The following WDR72 variants were observed in gnomAD, a reference collection of about 807,000 sequenced individuals.
WDR72 encodes WD repeat-containing protein 72.
A neutral mutation model predicts 124.2 loss-of-function variants in WDR72; 120 were observed. The ratio of observed to expected loss-of-function variants is 0.97; its 90% CI spans 0.83 to 1.12. WDR72 has a LOEUF of 1.12. Ranked by LOEUF, WDR72 falls within the 50% of genes most tolerant of loss-of-function variation. The pLI is 0.00. For synonymous variants in WDR72, 452 were observed against 441.7 expected (o/e 1.02, Z -0.29); for missense variants, 1,387 against 1,278.8 (o/e 1.08, Z -1.29).
chr15:53,717,241 C>T (rs893739735), intron 3 of WDR72, among the ~76,000 whole-genome samples: 5 of 152,062 alleles, frequency 3.3e-5, no homozygotes, highest in African/African-American at 1.2e-4. Flanking sequence ...ACTCTTACTT[C>T]GTTTATGTAT....
chr15:53,524,644 T>C (rs528380120), intron 18 of WDR72, among the ~76,000 whole-genome samples: 1 of 152,142 alleles, frequency 6.6e-6, no homozygotes, highest in South Asian at 2.1e-4. Context: ...GGTTTAAATA[T>C]TCCTTCTAGA....
chr15:53,523,291 G>A lies in WDR72; in HGVS notation c.3180C>T (p.Asn1060=), dbSNP rs754046722. 2.5e-6 allele frequency: 4 copies of A among 1,612,928 alleles called. No homozygotes were observed. In the Admixed American group the frequency reaches 6.7e-5, roughly 27 times the overall value. Reference sequence around the variant, plus strand: ...CGTCTTGGAAGTTTGCCGAGTTTGAGTTGCTGTCATGCTTGACCGGGCTGA... The same window carrying A: ...CGTCTTGGAAGTTTGCCGAGTTTGAATTGCTGTCATGCTTGACCGGGCTGA... ...TPVSPVKHDS[N]SNSANFQDVE... The change falls in exon 19 of 20, where the codon AAC becomes AAT. Residue 1060 remains asparagine, a synonymous_variant. Transcript: ENST00000360509.
At chr15:53,578,088 G>T (rs1008067047) in intron 18 of WDR72, among the ~76,000 whole-genome samples, 2 of 152,090 alleles carry the variant, frequency 1.3e-5, no homozygotes, top group African/African-American at 4.8e-5. Context: ...TGCAATTCAA[G>T]AATTCCCTGC....
rs2018250891 is a variant in WDR72, at chr15:53,733,104, G to C, written c.46C>G (p.Pro16Ala). ...ATGATGGCAGTGATGCTGTGGGGAG[G>C]GGCCTTCTGTCCCCAGAGTGCCACT... is the stretch of plus-strand genomic sequence containing the variant. ...QAVALWGQKAPPHSITAIMIT... is the reference protein window; with the variant it reads ...QAVALWGQKAAPHSITAIMIT... The change falls in exon 2 of 20, where the codon CCT becomes GCT. Residue 16 changes from proline to alanine, a missense_variant. Transcript: ENST00000360509. The C allele has an allele frequency of 6.2e-7, 1 of 1,614,020 alleles. No individual in the cohort carries two copies.
chr15:53,688,479 T>C (rs2016723138), intron 13 of WDR72, among the ~76,000 whole-genome samples: 2 of 151,604 alleles, frequency 1.3e-5, no homozygotes, highest in Non-Finnish European at 2.9e-5. Context: ...TCAAAGAGAA[T>C]AAAATACCTA....
chr15:53,545,861 A>T (rs1369518086), intron 18 of WDR72, among the ~76,000 whole-genome samples: 1 of 127,342 alleles, frequency 7.9e-6, no homozygotes. Context: ...AAGGACATGA[A>T]CAGACACTTC....
chr15:53,696,147 C>A (rs139875234), intron 13 of WDR72, among the ~76,000 whole-genome samples: 1 of 152,232 alleles, frequency 6.6e-6, no homozygotes, highest in African/African-American at 2.4e-5. Context: ...ACCTTTATGT[C>A]AATTTATTCC....
chr15:53,675,943 T>C (rs2016158157), intron 13 of WDR72, among the ~76,000 whole-genome samples: 1 of 152,180 alleles, frequency 6.6e-6, no homozygotes, highest in Non-Finnish European at 1.5e-5. Flanking sequence ...AGTTTTCCCT[T>C]GGGACATGAT....
At chr15:53,627,719 T>C (rs1415018716) in intron 14 of WDR72, among the ~76,000 whole-genome samples, 2 of 150,364 alleles carry the variant, frequency 1.3e-5, no homozygotes, top group African/African-American at 2.5e-5. Context: ...GGATGACATA[T>C]TGTGAACCAT....
chr15:53,723,941 C>T (rs974190827), intron 2 of WDR72, among the ~76,000 whole-genome samples: 2 of 151,706 alleles, frequency 1.3e-5, no homozygotes, highest in African/African-American at 2.4e-5. Flanking sequence ...CATGAAGGGC[C>T]GACTGTATAC....
chr15:53,668,137 C>T (rs989533460), intron 13 of WDR72, among the ~76,000 whole-genome samples: 1 of 152,150 alleles, frequency 6.6e-6, no homozygotes. Context: ...AACACCTAAG[C>T]TATTTCCACC....
intron 18 of WDR72, among the ~76,000 whole-genome samples, chr15:53,525,122 A>G (rs1892038107): frequency 6.6e-6 from 1 of 151,968 alleles, no homozygotes; most frequent in African/African-American, 2.4e-5. Flanking sequence ...TAATTTTCTT[A>G]ATTTTCTTCA....
intron 18 of WDR72, among the ~76,000 whole-genome samples, chr15:53,552,387 C>T (rs1231947711): frequency 2.6e-5 from 4 of 152,116 alleles, no homozygotes; most frequent in African/African-American, 9.7e-5. Context: ...TCTCATATGT[C>T]TGCTTCAAGG....
At position 53,576,391 on chromosome 15, in the gene WDR72, G is replaced by C. The variant is rs371653265; in HGVS notation, c.3148+20688C>G. ...TTTTAAGGATGTTCAGAAAAGAGAA[G>C]TAAGGTATAGAGCCTCCAGTTCCTC... On this transcript the variant is annotated intron_variant, in intron 18 of 19. Coordinates refer to ENST00000360509, the MANE Select transcript of WDR72 (RefSeq NM_182758.4). Among the ~76,000 whole-genome samples, 15 of 152,208 alleles carry C rather than the reference G, an allele frequency of 9.9e-5. No homozygotes were observed. In the East Asian group the frequency reaches 2.5e-3, roughly 26 times the overall value.
intron 18 of WDR72, among the ~76,000 whole-genome samples, chr15:53,596,487 T>A (rs1345368035): frequency 6.6e-6 from 1 of 152,180 alleles, no homozygotes; most frequent in Non-Finnish European, 1.5e-5. Flanking sequence ...TTATTTTTTA[T>A]ATGATACTTC....
At chr15:53,552,250 T>A (rs757346773) in intron 18 of WDR72, among the ~76,000 whole-genome samples, 31 of 152,066 alleles carry the variant, frequency 2.0e-4, no homozygotes, top group South Asian at 4.1e-4. Flanking sequence ...AGTTCAGAGT[T>A]GTAACTTTAA....
chr15:53,531,553 T>C (rs1379524169), intron 18 of WDR72, among the ~76,000 whole-genome samples: 2 of 152,238 alleles, frequency 1.3e-5, no homozygotes, highest in African/African-American at 4.8e-5. Context: ...GCTGAAAATA[T>C]GGAAGTGACC....
Position 53,710,906 on chromosome 15 carries a change from T to G in WDR72, c.905A>C (p.Glu302Ala), listed in dbSNP as rs773905112. 2.5e-6 allele frequency: 4 copies of G among 1,613,958 alleles called. No individual in the cohort carries two copies. The highest frequency in any genetic ancestry group is 3.4e-6 in the Non-Finnish European group (4 of 1,179,904). ...GCACAGTAAATGAGGATAAATGGTCTCTTTAAGCACTCTTCCATCAGCAGG... is the reference window on the plus strand; with the variant it reads ...GCACAGTAAATGAGGATAAATGGTCGCTTTAAGCACTCTTCCATCAGCAGG... ...IYPADGRVLK[E>A]TIYPHLLCST... The change falls in exon 9 of 20, where the codon GAG becomes GCG. Residue 302 changes from glutamate (E) to alanine (A), a missense_variant. Glu to Ala is a moderately radical substitution (Grantham distance 107). Transcript: ENST00000360509.
intron 1 of WDR72, among the ~76,000 whole-genome samples, chr15:53,743,080 T>C (rs184653722): frequency 6.6e-6 from 1 of 151,924 alleles, no homozygotes; most frequent in East Asian, 1.9e-4. Flanking sequence ...AGCCAGTAGG[T>C]AAAAAAACAA....
Sources: gnomAD v4.1 joint callset for allele counts (sites outside exome capture counted in the v4.1 genomes callset) on GRCh38, gnomAD v4.1.1 for gene constraint, MANE v1.5 for transcripts, NCBI Gene and HGNC (gene_info 2026-07-23, HGNC 2026-07-21) for gene names.